Variants in SLC9A9 observed in about 807,000 individuals in gnomAD.
SLC9A9 encodes sodium/hydrogen exchanger 9.
A neutral mutation model predicts 77.8 loss-of-function variants in SLC9A9; 62 were observed. That is an observed-to-expected ratio of 0.80 (90% CI 0.65 to 0.98). SLC9A9 has a LOEUF of 0.98. Ranked by LOEUF, SLC9A9 falls within the 50% of genes least tolerant of loss-of-function variation. SLC9A9 has a pLI of 0.00. For synonymous variants in SLC9A9, 320 were observed against 283.5 expected (o/e 1.13, Z -1.29); for missense variants, 775 against 774.9 (o/e 1.00, Z 0.00).
In SLC9A9 at chr3:143,379,889, T is replaced by G. The variant is rs548205572; in HGVS notation, c.1524+2171A>C. On this transcript the variant is annotated intron_variant, in intron 13 of 15. Coordinates refer to ENST00000316549, the MANE Select transcript of SLC9A9 (RefSeq NM_173653.4). ...TTGACTATCTGCTCTTATTAATATT[T>G]TTTACTGATTTTTAAAATTTCTATA... Among the ~76,000 whole-genome samples, 122 of 152,322 alleles carry G rather than the reference T, an allele frequency of 8.0e-4. 3 individuals carry two copies. The South Asian group carries it at 0.025, about 31-fold the overall frequency.
At chr3:143,772,038 G>GTGTGTGTA (rs1466624229) in intron 4 of SLC9A9, among the ~76,000 whole-genome samples, 33 of 151,896 alleles carry the variant, frequency 2.2e-4, no homozygotes, top group Non-Finnish European at 4.0e-4. Flanking sequence ...GTGTGTGTGT[G>GTGTGTGTA]TGTGTGTGTG....
intron 12 of SLC9A9, among the ~76,000 whole-genome samples, chr3:143,418,493 GAGA>G (rs1559907597): frequency 6.6e-6 from 1 of 152,082 alleles, no homozygotes; most frequent in African/African-American, 2.4e-5. Flanking sequence ...ATTGTAACAG[GAGA>G]AGGAGATGGG....
intron 9 of SLC9A9, among the ~76,000 whole-genome samples, chr3:143,527,346 G>A (rs1184371935): frequency 6.6e-6 from 1 of 152,150 alleles, no homozygotes; most frequent in East Asian, 1.9e-4. Context: ...TTATTGACAC[G>A]TGACAAAACT....
intron 12 of SLC9A9, among the ~76,000 whole-genome samples, chr3:143,449,776 TA>T (rs569933900): frequency 2.3e-5 from 2 of 86,974 alleles, no homozygotes; most frequent in Non-Finnish European, 4.0e-5. Flanking sequence ...TAATTATATA[TA>T]TTTATATATA....
chr3:143,385,053 C>T (rs1308582058), intron 12 of SLC9A9, among the ~76,000 whole-genome samples: 1 of 152,086 alleles, frequency 6.6e-6, no homozygotes, highest in African/African-American at 2.4e-5. Flanking sequence ...TGCAACTGGT[C>T]CCATAAAGTC....
At chr3:143,838,904 A>C (rs986320662) in intron 1 of SLC9A9, among the ~76,000 whole-genome samples, 1 of 152,342 alleles carries the variant, frequency 6.6e-6, no homozygotes, top group South Asian at 2.1e-4. Context: ...GCATCTACAA[A>C]ATTTTTAACT....
intron 1 of SLC9A9, among the ~76,000 whole-genome samples, chr3:143,835,222 C>A (rs139179279): frequency 6.6e-6 from 1 of 152,340 alleles, no homozygotes; most frequent in Non-Finnish European, 1.5e-5. Flanking sequence ...GAATGAAAAT[C>A]TTTTGTGCAA....
chr3:143,805,441 T>C (rs1226674990), intron 2 of SLC9A9, among the ~76,000 whole-genome samples: 1 of 152,162 alleles, frequency 6.6e-6, no homozygotes, highest in Admixed American at 6.5e-5. Context: ...AATACTATTT[T>C]ATGTTATTTT....
intron 5 of SLC9A9, among the ~76,000 whole-genome samples, chr3:143,676,252 C>A (rs1475359146): frequency 6.6e-6 from 1 of 152,214 alleles, no homozygotes; most frequent in East Asian, 1.9e-4. Flanking sequence ...CTGTACCCGT[C>A]TGTGGCCCGG....
At chr3:143,302,986 A>G (rs976890283) in intron 14 of SLC9A9, among the ~76,000 whole-genome samples, 1 of 152,210 alleles carries the variant, frequency 6.6e-6, no homozygotes, top group Non-Finnish European at 1.5e-5. Context: ...GCTTCTTGGC[A>G]GCCTTCCCTG....
chr3:143,794,960 C>A lies in SLC9A9; in HGVS notation c.533+41G>T, dbSNP rs199868844. On this transcript the variant is annotated intron_variant, in intron 4 of 15. Transcript: ENST00000316549. The stretch of plus-strand genomic sequence containing the variant: ...TTAGATCCCTCACACAGATCACAGA[C>A]CCCACAGCCACCTGCAACTTGAGCT... 9.0e-5 allele frequency: 141 copies of A among 1,572,480 alleles called. No homozygotes were observed. The African/African-American group carries it at 1.8e-3, about 20-fold the overall frequency.
chr3:143,563,291 A>G (rs1392303925), intron 8 of SLC9A9, among the ~76,000 whole-genome samples: 1 of 152,206 alleles, frequency 6.6e-6, no homozygotes, highest in Non-Finnish European at 1.5e-5. Context: ...TTTGTTTAAC[A>G]CAGTACCATT....
chr3:143,801,283 G>A (rs1259678296), intron 2 of SLC9A9, among the ~76,000 whole-genome samples: 1 of 152,162 alleles, frequency 6.6e-6, no homozygotes, highest in African/African-American at 2.4e-5. Context: ...TGACCTTACT[G>A]TTTTAGACTG....
chr3:143,832,014 C>A lies in SLC9A9; in HGVS notation c.378+5G>T, dbSNP rs1168636088. 1 of 1,609,328 alleles carries A rather than the reference C, an allele frequency of 6.2e-7. No individual in the cohort carries two copies. The highest frequency in any genetic ancestry group is 1.1e-5 in the South Asian group (1 of 90,946). ...CAAATATATAATACCAGACAGGATC[C>A]TTACCTTTTCAAGTATAGCATTTCC... On this transcript the variant is annotated splice_donor_5th_base_variant and intron_variant, in intron 2 of 15. Coordinates refer to ENST00000316549, the MANE Select transcript of SLC9A9 (RefSeq NM_173653.4).
chr3:143,775,066 G>A (rs973575118), intron 4 of SLC9A9, among the ~76,000 whole-genome samples: 4 of 152,158 alleles, frequency 2.6e-5, no homozygotes, highest in South Asian at 4.1e-4. Flanking sequence ...AGAGAGAACC[G>A]TACCTGCTGA....
rs541452028 is a variant in SLC9A9, at chr3:143,678,417, G to GT, written c.649+14774dup. On this transcript the variant is annotated intron_variant, in intron 5 of 15. Transcript: ENST00000316549. ...TAGATTTATAGATTTTCTTGCAGTA[G>GT]TTTTTTAAAATTTCATTATTTACAT... Among the ~76,000 whole-genome samples the GT allele has an allele frequency of 2.6e-4, 39 of 152,040 alleles. 1 individual carries two copies. The East Asian group carries it at 7.5e-3, about 29-fold the overall frequency.
intron 14 of SLC9A9, among the ~76,000 whole-genome samples, chr3:143,304,172 C>T (rs1323925150): frequency 6.6e-6 from 1 of 152,170 alleles, no homozygotes; most frequent in African/African-American, 2.4e-5. Context: ...CATAATAGGT[C>T]TGCTTATGAT....
chr3:143,775,657 C>T (rs995116491), intron 4 of SLC9A9, among the ~76,000 whole-genome samples: 3 of 152,130 alleles, frequency 2.0e-5, no homozygotes, highest in Admixed American at 6.5e-5. Flanking sequence ...GATTTTGGAA[C>T]GGAACTTTAG....
chr3:143,330,186 C>T (rs534333069), intron 14 of SLC9A9, among the ~76,000 whole-genome samples: 2 of 152,270 alleles, frequency 1.3e-5, no homozygotes, highest in Admixed American at 1.3e-4. Flanking sequence ...TTAAAGCAAA[C>T]ATGGACTTTA....
Sources: gnomAD v4.1 joint callset for allele counts (sites outside exome capture counted in the v4.1 genomes callset) on GRCh38, gnomAD v4.1.1 for gene constraint, MANE v1.5 for transcripts, NCBI Gene and HGNC (gene_info 2026-07-23, HGNC 2026-07-21) for gene names.